ATP8B4: variants seen among roughly 807,000 people sequenced by gnomAD.
ATP8B4 encodes the protein probable phospholipid-transporting ATPase IM.
ATP8B4 carries 133 observed loss-of-function variants against 145.6 expected under a neutral mutation model. The observed-to-expected ratio is 0.91, with a 90% CI of 0.79 to 1.05. ATP8B4 has a LOEUF of 1.05. Among genes scored for constraint, ATP8B4 ranks in the 50% least tolerant of loss-of-function variants. ATP8B4 has a pLI of 0.00. For missense variants in ATP8B4, 1,458 were observed against 1,425.2 expected (o/e 1.02, Z -0.37); for synonymous variants, 507 against 492.9 (o/e 1.03, Z -0.38).
At chr15:50,087,352 A>ATTTATATATAATAGATATAGATCTATATC (rs796843582) in intron 2 of ATP8B4, among the ~76,000 whole-genome samples, 1,671 of 108,138 alleles carry the variant, frequency 0.015, 58 homozygotes, top group African/African-American at 0.063. Context: ...ATAGATCTAT[A>ATTTATATATAATAGATATAGATCTATATC]TATTATATAT....
chr15:50,117,412 G>C (rs1375275621), intron 1 of ATP8B4, among the ~76,000 whole-genome samples: 3 of 152,020 alleles, frequency 2.0e-5, no homozygotes, highest in Admixed American at 6.6e-5. Flanking sequence ...TAGATGGTTA[G>C]TTAACTCTTT....
intron 16 of ATP8B4, among the ~76,000 whole-genome samples, chr15:49,929,401 G>A (rs568432893): frequency 6.6e-6 from 1 of 152,226 alleles, no homozygotes; most frequent in East Asian, 1.9e-4. Context: ...AGAGGTAACT[G>A]TGAATTTTAA....
chr15:50,177,938 T>C (rs1242513803), intron 1 of ATP8B4, among the ~76,000 whole-genome samples: 1 of 152,100 alleles, frequency 6.6e-6, no homozygotes, highest in Admixed American at 6.6e-5. Context: ...ATTGGAAACT[T>C]TGAAGGGGGT....
intron 2 of ATP8B4, among the ~76,000 whole-genome samples, chr15:50,079,450 A>G (rs1203543837): frequency 6.6e-6 from 1 of 152,204 alleles, no homozygotes; most frequent in African/African-American, 2.4e-5. Context: ...TTTATTTTAC[A>G]AAGTCTGTGA....
upstream of ATP8B4, among the ~76,000 whole-genome samples, chr15:50,121,675 C>T (rs1039872436): frequency 6.6e-6 from 1 of 151,930 alleles, no homozygotes; most frequent in African/African-American, 2.4e-5. Flanking sequence ...AAAAAAAAAC[C>T]TTTTATTCCC....
At chr15:50,179,713 C>T (rs2044816428) in intron 1 of ATP8B4, among the ~76,000 whole-genome samples, 1 of 152,168 alleles carries the variant, frequency 6.6e-6, no homozygotes, top group Non-Finnish European at 1.5e-5. Flanking sequence ...GTAATTTGTC[C>T]CTTCTACCAA....
At chr15:49,940,963 C>T (rs2042120919) in intron 14 of ATP8B4, among the ~76,000 whole-genome samples, 1 of 151,946 alleles carries the variant, frequency 6.6e-6, no homozygotes, top group African/African-American at 2.4e-5. Context: ...GAGAGCAAGA[C>T]AGAGAATGAG....
rs1443967568 is a variant in ATP8B4, at chr15:50,143,945, C to T, written c.-42-36937G>A. ...CACCTGTAGATAAATGGGAGCCACACATGCTATCTCAGTGAAAGGATGACA... is the reference window on the plus strand; with the variant it reads ...CACCTGTAGATAAATGGGAGCCACATATGCTATCTCAGTGAAAGGATGACA... On this transcript the variant is annotated intron_variant, in intron 1 of 3. Coordinates refer to the ATP8B4 transcript ENST00000558829. Among the ~76,000 whole-genome samples the T allele has an allele frequency of 2.0e-5, 3 of 152,216 alleles. No individual in the cohort carries two copies. The East Asian group carries it at 5.8e-4, about 29-fold the overall frequency.
intron 13 of ATP8B4, among the ~76,000 whole-genome samples, chr15:49,968,205 A>G (rs1303514589): frequency 2.0e-5 from 3 of 152,246 alleles, no homozygotes; most frequent in Admixed American, 1.3e-4. Context: ...CACTATGAAG[A>G]AACTGCATCA....
intron 1 of ATP8B4, among the ~76,000 whole-genome samples, chr15:50,168,223 C>T (rs1429530266): frequency 1.3e-5 from 2 of 152,144 alleles, no homozygotes; most frequent in South Asian, 2.1e-4. Context: ...GAGCAGCATG[C>T]GAAGGCTCGC....
intron 20 of ATP8B4, among the ~76,000 whole-genome samples, chr15:49,908,868 G>T (rs555688928): frequency 2.0e-5 from 3 of 152,038 alleles, no homozygotes; most frequent in African/African-American, 7.3e-5. Flanking sequence ...ATGCCCTAAG[G>T]ATAGGCTACC....
At chr15:50,036,897 C>T (rs893705290) in intron 6 of ATP8B4, among the ~76,000 whole-genome samples, 2 of 152,168 alleles carry the variant, frequency 1.3e-5, no homozygotes, top group African/African-American at 2.4e-5. Context: ...GGCAACAATG[C>T]TTTTCAATAC....
rs144273305 is a variant in ATP8B4 at position 49,919,200 on chromosome 15, C to T, written c.1924-250G>A. ...TTATTTACTTGAAGGGGCTGATATGCTCAGATAACATGTTAGCGTGAGCAG... is the reference window on the plus strand; with the variant it reads ...TTATTTACTTGAAGGGGCTGATATGTTCAGATAACATGTTAGCGTGAGCAG... On this transcript the variant is annotated intron_variant, in intron 18 of 27. Coordinates refer to ENST00000284509, the MANE Select transcript of ATP8B4 (RefSeq NM_024837.4). 3.0e-4 allele frequency among the ~76,000 whole-genome samples: 46 copies of T among 152,248 alleles called. No individual in the cohort carries two copies. In the East Asian group the frequency reaches 8.9e-3, roughly 29 times the overall value.
intron 25 of ATP8B4, among the ~76,000 whole-genome samples, chr15:49,875,916 G>T (rs775166083): frequency 2.6e-5 from 4 of 152,136 alleles, no homozygotes; most frequent in African/African-American, 4.8e-5. Flanking sequence ...AAACCTGGCA[G>T]TTATTAAGTC....
At chr15:50,100,006 G>A (rs1343620134) in intron 2 of ATP8B4, among the ~76,000 whole-genome samples, 1 of 134,614 alleles carries the variant, frequency 7.4e-6, no homozygotes, top group Non-Finnish European at 1.5e-5. Context: ...CTGCACTCCA[G>A]CCTGGGCAAC....
intron 7 of ATP8B4, among the ~76,000 whole-genome samples, chr15:50,010,337 ATAAAG>A (rs754846630): frequency 6.6e-6 from 1 of 152,064 alleles, no homozygotes; most frequent in African/African-American, 2.4e-5. Context: ...AATATACTTG[ATAAAG>A]TAAACTCTCA....
intron 6 of ATP8B4, among the ~76,000 whole-genome samples, chr15:50,024,156 A>G (rs2049827563): frequency 6.6e-6 from 1 of 152,224 alleles, no homozygotes; most frequent in Non-Finnish European, 1.5e-5. Context: ...CTAATAAAGC[A>G]AGCATTTGCA....
intron 10 of ATP8B4, among the ~76,000 whole-genome samples, chr15:49,984,530 G>A (rs2046421217): frequency 6.6e-6 from 1 of 152,168 alleles, no homozygotes; most frequent in Non-Finnish European, 1.5e-5. Context: ...TGGACCCTAA[G>A]GGAAAGAGGT....
chr15:49,883,291 G>T (rs1488867999), intron 23 of ATP8B4: 1 of 152,058 alleles, frequency 6.6e-6, no homozygotes, highest in East Asian at 1.9e-4. Context: ...CTGGCATAGC[G>T]TGCCCTCATC....
Sources: gnomAD v4.1 joint callset for allele counts (sites outside exome capture counted in the v4.1 genomes callset) on GRCh38, gnomAD v4.1.1 for gene constraint, MANE v1.5 for transcripts, NCBI Gene and HGNC (gene_info 2026-07-23, HGNC 2026-07-21) for gene names.